Variants in GRIK4 observed in about 807,000 individuals in gnomAD.
GRIK4 encodes glutamate receptor ionotropic, kainate 4.
A neutral mutation model predicts 104.9 loss-of-function variants in GRIK4; 40 were observed. The ratio of observed to expected loss-of-function variants is 0.38; its 90% CI spans 0.30 to 0.50. The LOEUF is 0.50. GRIK4 is among the 20% of genes least tolerant of loss of function. The probability of loss-of-function intolerance (pLI) is 0.93; values close to 1 mark genes in which losing one functional copy is unlikely to be tolerated. For synonymous variants in GRIK4, 485 were observed against 524.9 expected, an observed-to-expected ratio of 0.92 and a Z score of 1.04; for missense variants, 1,047 against 1,308.1, an observed-to-expected ratio of 0.80 and a Z score of 3.08.
At chr11:120,511,926 C>G (rs1947662146) in intron 1 of GRIK4, 39 bp downstream of exon 1, 1 of 153,684 alleles carries the variant, frequency 6.5e-6, no homozygotes, top group Non-Finnish European at 1.4e-5. Flanking sequence ...CCGGCCCGCT[C>G]CCTGCGCTGC....
At chr11:120,856,886 A>G (rs1465468648) in intron 8 of GRIK4, among the ~76,000 whole-genome samples, 1 of 152,118 alleles carries the variant, frequency 6.6e-6, no homozygotes, top group Non-Finnish European at 1.5e-5. Flanking sequence ...TCCCACCCCC[A>G]GTGATGGGAC....
chr11:120,579,420 C>T (rs182098323), intron 1 of GRIK4, among the ~76,000 whole-genome samples: 14 of 151,940 alleles, frequency 9.2e-5, no homozygotes, highest in African/African-American at 2.4e-4. Flanking sequence ...TGAGTGTCTT[C>T]GAGAGAATGG....
At chr11:120,572,831 T>C (rs1948418743) in intron 1 of GRIK4, among the ~76,000 whole-genome samples, 1 of 152,158 alleles carries the variant, frequency 6.6e-6, no homozygotes, top group African/African-American at 2.4e-5. Flanking sequence ...TGTTCCCTTC[T>C]TCTGATTGAG....
At chr11:120,686,587 A>G (rs1320880892) in intron 3 of GRIK4, among the ~76,000 whole-genome samples, 2 of 152,228 alleles carry the variant, frequency 1.3e-5, no homozygotes, top group Non-Finnish European at 2.9e-5. Context: ...TCACGTCTAT[A>G]TGTGAAGGCT....
chr11:120,835,538 C>CAAAT (rs561818452), intron 7 of GRIK4, among the ~76,000 whole-genome samples: 2 of 151,086 alleles, frequency 1.3e-5, no homozygotes, highest in Admixed American at 6.6e-5. Flanking sequence ...AAAGAAAAAA[C>CAAAT]AAACAAACAA....
chr11:120,586,688 G>T (rs1391245162), intron 1 of GRIK4, among the ~76,000 whole-genome samples: 2 of 152,122 alleles, frequency 1.3e-5, no homozygotes, highest in Non-Finnish European at 2.9e-5. Flanking sequence ...TTGTCTTCCT[G>T]TTGTAGTCTC....
chr11:120,661,504 T>G (rs1202903833), intron 3 of GRIK4, among the ~76,000 whole-genome samples: 1 of 152,216 alleles, frequency 6.6e-6, no homozygotes, highest in Non-Finnish European at 1.5e-5. Context: ...CTGAAAGGGT[T>G]AGAGGCTGAC....
At chr11:120,577,452 A>T (rs929641107) in intron 1 of GRIK4, among the ~76,000 whole-genome samples, 21 of 151,682 alleles carry the variant, frequency 1.4e-4, no homozygotes, top group African/African-American at 5.1e-4. Context: ...CCCATTCCAG[A>T]CACCATCTCG....
In GRIK4 at chr11:120,516,109, T is replaced by C. The variant is rs540378125; in HGVS notation, c.-159+4222T>C. 3.3e-5 allele frequency among the ~76,000 whole-genome samples: 5 copies of C among 152,316 alleles called. No homozygotes were observed. The East Asian group carries it at 9.7e-4, about 29-fold the overall frequency. On this transcript the variant is annotated intron_variant, in intron 1 of 20. Coordinates refer to ENST00000527524, the MANE Select transcript of GRIK4 (RefSeq NM_014619.5). ...TCATCACAGGTTTTCTTTAAACAACTGAGCACTCAAGTCATTTACACAGAG... is the reference window on the plus strand; with the variant it reads ...TCATCACAGGTTTTCTTTAAACAACCGAGCACTCAAGTCATTTACACAGAG...
intron 3 of GRIK4, among the ~76,000 whole-genome samples, chr11:120,788,022 C>T (rs1041597512): frequency 2.0e-5 from 3 of 151,484 alleles, no homozygotes; most frequent in East Asian, 1.9e-4. Flanking sequence ...CACACCACCA[C>T]GCCCAGCTAA....
chr11:120,982,970 G>A (rs939896074), intron 20 of GRIK4, among the ~76,000 whole-genome samples: 6 of 152,060 alleles, frequency 3.9e-5, no homozygotes, highest in East Asian at 1.9e-4. Flanking sequence ...CTTCCACGCC[G>A]TTGCCCATTC....
chr11:120,959,927 G>T (rs930964008), intron 16 of GRIK4, among the ~76,000 whole-genome samples: 3 of 152,200 alleles, frequency 2.0e-5, no homozygotes, highest in African/African-American at 7.2e-5. Context: ...ACCTGGGGAG[G>T]CTGAGGCAGG....
At position 120,829,240 on chromosome 11, in the gene GRIK4, C is replaced by T. The variant is rs1317066859; in HGVS notation, c.512-2612C>T. On this transcript the variant is annotated intron_variant, in intron 6 of 20. Transcript: ENST00000527524. Reference sequence around the variant, plus strand: ...GCACCAGCTCCGTGGCCTCCCTCCACCTCCTTGTTAAGAGTGTCTTTTGGA... The same window carrying T: ...GCACCAGCTCCGTGGCCTCCCTCCATCTCCTTGTTAAGAGTGTCTTTTGGA... Among the ~76,000 whole-genome samples the T allele has an allele frequency of 3.3e-5, 5 of 152,160 alleles. No individual in the cohort carries two copies. The East Asian group carries it at 9.6e-4, about 29-fold the overall frequency.
intron 3 of GRIK4, among the ~76,000 whole-genome samples, chr11:120,773,336 C>T (rs1328689113): frequency 3.9e-5 from 6 of 152,134 alleles, no homozygotes; most frequent in African/African-American, 7.2e-5. Flanking sequence ...TGTCTATTTC[C>T]GACAGTGTGG....
chr11:120,831,488 T>TG (rs1477878821), intron 6 of GRIK4, among the ~76,000 whole-genome samples: 1 of 152,126 alleles, frequency 6.6e-6, no homozygotes, highest in East Asian at 1.9e-4. Context: ...TCAGGCCTGG[T>TG]GGTCTCTGAA....
intron 1 of GRIK4, among the ~76,000 whole-genome samples, chr11:120,551,903 G>A (rs1026744719): frequency 6.6e-5 from 10 of 152,194 alleles, no homozygotes; most frequent in Non-Finnish European, 1.5e-4. Flanking sequence ...AGCTGAACAC[G>A]TGGCGGTTCC....
chr11:120,810,261 C>G (rs1952803559), intron 4 of GRIK4, among the ~76,000 whole-genome samples: 1 of 152,162 alleles, frequency 6.6e-6, no homozygotes, highest in African/African-American at 2.4e-5. Context: ...GTTTCAGAGC[C>G]TTTTGGACTT....
At chr11:120,671,389 G>A (rs1423890704) in intron 3 of GRIK4, among the ~76,000 whole-genome samples, 3 of 152,082 alleles carry the variant, frequency 2.0e-5, no homozygotes, top group African/African-American at 4.8e-5. Context: ...TTTAATGATC[G>A]CCATTCTAAC....
intron 19 of GRIK4, 115 bp from the exon 20 acceptor site, chr11:120,981,991 C>T (rs1944660372): frequency 9.4e-6 from 7 of 744,292 alleles, no homozygotes. Flanking sequence ...TGGGTGTCTA[C>T]TTGAGCATCT....
Sources: allele counts gnomAD v4.1 joint callset (sites outside exome capture counted in the v4.1 genomes callset), GRCh38; gene constraint gnomAD v4.1.1; transcripts MANE v1.5; gene names NCBI Gene and HGNC (gene_info 2026-07-23, HGNC 2026-07-21).